ZNF529: variants seen among roughly 807,000 people sequenced by gnomAD.
ZNF529 encodes the protein zinc finger protein 529.
Under a neutral mutation model 10.1 loss-of-function variants are expected in ZNF529, and 11 were observed. That is an observed-to-expected ratio of 1.09 (90% CI 0.69 to 1.81). The LOEUF (loss-of-function observed/expected upper bound fraction) is 1.81, where lower values mean the gene tolerates loss of function less well. ZNF529 is among the 40% of genes most tolerant of loss of function. ZNF529 has a pLI of 0.00. For synonymous variants in ZNF529, 204 were observed against 215.7 expected, an observed-to-expected ratio of 0.95 and a Z score of 0.47; for missense variants, 624 against 666.8, an observed-to-expected ratio of 0.94 and a Z score of 0.71.
chr19:36,560,432 C>G (rs2035644572), intron 2 of ZNF529, among the ~76,000 whole-genome samples: 1 of 151,966 alleles, frequency 6.6e-6, no homozygotes, highest in Non-Finnish European at 1.5e-5. Flanking sequence ...CTAATAATAA[C>G]ACAAGGCAGG....
intron 2 of ZNF529, among the ~76,000 whole-genome samples, chr19:36,559,986 C>T (rs979422835): frequency 2.6e-5 from 4 of 152,014 alleles, no homozygotes; most frequent in Non-Finnish European, 5.9e-5. Context: ...TGGCCTGGTG[C>T]GTTGGTTCAC....
upstream of ZNF529, among the ~76,000 whole-genome samples, chr19:36,575,652 G>T (rs919592989): frequency 6.6e-5 from 10 of 151,952 alleles, no homozygotes; most frequent in Non-Finnish European, 1.3e-4. Context: ...TCATTTAAAA[G>T]AAAAATTTCT....
chr19:36,555,937 C>G (rs2035452281), intron 3 of ZNF529, among the ~76,000 whole-genome samples, 167 bp downstream of exon 3: 1 of 152,284 alleles, frequency 6.6e-6, no homozygotes, highest in South Asian at 2.1e-4. Context: ...GTTGAACATT[C>G]TTTGGGGAAT....
chr19:36,554,856 A>G (rs556535239), intron 3 of ZNF529, 60 bp from the exon 4 acceptor site: 71 of 1,433,544 alleles, frequency 5.0e-5, no homozygotes, highest in Admixed American at 1.7e-4. Flanking sequence ...TGAGAAAAAG[A>G]CAAGAGGAAT....
upstream of ZNF529, among the ~76,000 whole-genome samples, chr19:36,578,175 C>T (rs1257930449): frequency 4.0e-5 from 6 of 150,442 alleles, no homozygotes; most frequent in Non-Finnish European, 3.0e-5. Context: ...AGCGATCCTC[C>T]TGCCTCAGCC....
chr19:36,571,229 A>C (rs1365785628), intron 2 of ZNF529, among the ~76,000 whole-genome samples: 2 of 152,238 alleles, frequency 1.3e-5, no homozygotes, highest in Non-Finnish European at 2.9e-5. Context: ...ACAATAAAAC[A>C]TATACCAGAT....
chr19:36,584,292 C>A (rs2036531588), intron 2 of ZNF529, among the ~76,000 whole-genome samples: 1 of 151,848 alleles, frequency 6.6e-6, no homozygotes, highest in South Asian at 2.1e-4. Context: ...TTCATAGACT[C>A]ACTGGAAGAA....
chr19:36,575,839 T>G (rs527725866), upstream of ZNF529, among the ~76,000 whole-genome samples: 29 of 152,158 alleles, frequency 1.9e-4, no homozygotes, highest in South Asian at 4.2e-4. Flanking sequence ...ATGTGTTTTT[T>G]TTTTGTTTTG....
chr19:36,563,066 G>A (rs769950246), intron 2 of ZNF529, among the ~76,000 whole-genome samples: 3 of 152,078 alleles, frequency 2.0e-5, no homozygotes, highest in Non-Finnish European at 2.9e-5. Flanking sequence ...ACAGAACTGT[G>A]ATACATTTCT....
rs764950326 is a variant in ZNF529, at chr19:36,547,999, C to T, written c.559G>A (p.Asp187Asn). Residue 187 changes from aspartate to asparagine, a missense_variant, in exon 5 of 5, where the codon GAT (aspartate) becomes AAT (asparagine). Coordinates refer to ENST00000591340, the MANE Select transcript of ZNF529 (RefSeq NM_020951.5). ...EKVFSCDLEF[D>N]EYQKIHTGGK... is the part of the protein sequence containing the mutation. ...CCAGTATGTATTTTCTGATATTCAT[C>T]AAACTCTAAGTCACAACTGAAGACC... is the stretch of plus-strand genomic sequence containing the variant. 1.9e-6 allele frequency: 3 copies of T among 1,613,560 alleles called. No individual in the cohort carries two copies. Among genetic ancestry groups the T allele is most frequent in the Non-Finnish European group, 1.7e-6 (2 of 1,179,770 alleles).
At chr19:36,556,951 T>G (rs1045427849) in intron 2 of ZNF529, among the ~76,000 whole-genome samples, 1 of 152,116 alleles carries the variant, frequency 6.6e-6, no homozygotes, top group African/African-American at 2.4e-5. Flanking sequence ...GGAGGTTGAT[T>G]AGAGATGTAT....
At chr19:36,595,670 G>A (rs2036824198) in intron 1 of ZNF529, among the ~76,000 whole-genome samples, 2 of 152,104 alleles carry the variant, frequency 1.3e-5, no homozygotes, top group Non-Finnish European at 1.5e-5. Context: ...CTGCACTCCA[G>A]CCTGGACGAC....
chr19:36,585,966 T>C (rs1343205970), intron 2 of ZNF529, among the ~76,000 whole-genome samples: 1 of 152,216 alleles, frequency 6.6e-6, no homozygotes, highest in Non-Finnish European at 1.5e-5. Flanking sequence ...ACATGCCACA[T>C]TGATTTTTTA....
chr19:36,590,555 G>C (rs1343596730), intron 1 of ZNF529, among the ~76,000 whole-genome samples: 2 of 151,886 alleles, frequency 1.3e-5, no homozygotes, highest in African/African-American at 4.8e-5. Flanking sequence ...CCAGAAGAAA[G>C]GAAATAAGAT....
At position 36,555,469 on chromosome 19, in the gene ZNF529, A is replaced by AT. The variant is rs1373435834; in HGVS notation, c.108+634dup. Among the ~76,000 whole-genome samples, 5 of 82,060 alleles carry AT rather than the reference A, an allele frequency of 6.1e-5. 1 individual carries two copies. The highest frequency in any genetic ancestry group is 2.7e-4 in the East Asian group (1 of 3,656). The allele number at this position is 82,060 out of a possible 152,430, so 53.8% of individuals were successfully genotyped here. A position where few individuals can be genotyped will look rare whatever the true frequency, so the allele number is the denominator to read the frequency against. Reference sequence around the variant, plus strand: ...CCACCGCGCCCGGCTAATTTTTTGTATTTTTTTTAGTAGAGACGGGGTTTC... The same window carrying AT: ...CCACCGCGCCCGGCTAATTTTTTGTATTTTTTTTTAGTAGAGACGGGGTTTC... On this transcript the variant is annotated intron_variant, in intron 3 of 4. Coordinates refer to ENST00000591340, the MANE Select transcript of ZNF529 (RefSeq NM_020951.5).
intron 2 of ZNF529, among the ~76,000 whole-genome samples, chr19:36,583,957 G>A (rs1231300315): frequency 2.1e-5 from 3 of 143,868 alleles, no homozygotes; most frequent in East Asian, 2.3e-4. Flanking sequence ...AGGAGGAGAA[G>A]CATCAGAAGA....
chr19:36,562,514 T>G (rs2035741765), intron 2 of ZNF529, among the ~76,000 whole-genome samples: 1 of 151,862 alleles, frequency 6.6e-6, no homozygotes, highest in Non-Finnish European at 1.5e-5. Flanking sequence ...TCTCCAAAAT[T>G]CAGGTGTTGC....
chr19:36,581,304 GAATA>G (rs1468760491), intron 2 of ZNF529: 2 of 152,044 alleles, frequency 1.3e-5, no homozygotes, highest in Non-Finnish European at 2.9e-5. Flanking sequence ...ACAGATCATT[GAATA>G]AATAAGGGGA....
At chr19:36,585,227 C>T (rs1186962846) in intron 2 of ZNF529, among the ~76,000 whole-genome samples, 2 of 152,236 alleles carry the variant, frequency 1.3e-5, no homozygotes, top group African/African-American at 4.8e-5. Context: ...TTTCCACTCC[C>T]TGCCCTCCCG....
Sources: gnomAD v4.1 joint callset for allele counts (sites outside exome capture counted in the v4.1 genomes callset) on GRCh38, gnomAD v4.1.1 for gene constraint, MANE v1.5 for transcripts, NCBI Gene and HGNC (gene_info 2026-07-23, HGNC 2026-07-21) for gene names.